Variants in SSX2IP observed in about 807,000 individuals in gnomAD.
The protein encoded by SSX2IP is SSX family member 2 interacting protein.
In SSX2IP, 55 loss-of-function variants were observed where a neutral mutation model predicts 84.9. That is an observed-to-expected ratio of 0.65 (90% CI 0.52 to 0.81). The LOEUF is 0.81. Among genes scored for constraint, SSX2IP ranks in the 30% least tolerant of loss-of-function variants. SSX2IP has a pLI of 0.00. For synonymous variants in SSX2IP, 239 were observed against 234.7 expected, an observed-to-expected ratio of 1.02 and a Z score of -0.17; for missense variants, 664 against 705.2, an observed-to-expected ratio of 0.94 and a Z score of 0.66.
chr1:84,670,867 G>T, intron 2 of SSX2IP, 52 bp from the exon 3 acceptor site: 1 of 1,425,162 alleles, frequency 7.0e-7, no homozygotes, highest in Non-Finnish European at 9.6e-7. Context: ...CGTATGTAAA[G>T]CTAACATAAT....
At chr1:84,661,575 CA>C (rs1307965132) in intron 8 of SSX2IP, among the ~76,000 whole-genome samples, 30 of 152,104 alleles carry the variant, frequency 2.0e-4, no homozygotes, top group African/African-American at 5.6e-4. Flanking sequence ...CTGTCTTTCC[CA>C]AAAAGAGCTT....
chr1:84,662,563 C>A, intron 6 of SSX2IP, 33 bp from the exon 7 acceptor site: 1 of 1,606,918 alleles, frequency 6.2e-7, no homozygotes, highest in Non-Finnish European at 8.5e-7. Flanking sequence ...TTAATTCTTA[C>A]CATACATGCT....
At chr1:84,686,250 A>G (rs1202218459) in intron 1 of SSX2IP, among the ~76,000 whole-genome samples, 1 of 152,220 alleles carries the variant, frequency 6.6e-6, no homozygotes, top group Non-Finnish European at 1.5e-5. Flanking sequence ...TTTGAGACAG[A>G]TATTATAGTA....
intron 8 of SSX2IP, among the ~76,000 whole-genome samples, chr1:84,660,879 C>T (rs376105542): frequency 4.4e-5 from 6 of 136,022 alleles, no homozygotes; most frequent in East Asian, 2.2e-4. Context: ...GGTAAAACCC[C>T]GTCTCTACTA....
rs61017474 is a variant in SSX2IP, at chr1:84,676,719, CTTTTTTTTTT to C, written c.-89-5421_-89-5412del. Among the ~76,000 whole-genome samples, 55 of 99,490 alleles carry C rather than the reference CTTTTTTTTTT, an allele frequency of 5.5e-4. 1 individual carries two copies. In the East Asian group the frequency reaches 0.014, roughly 25 times the overall value. The allele number at this position is 99,490 out of a possible 152,430, so 65.3% of individuals were successfully genotyped here. A position where few individuals can be genotyped will look rare whatever the true frequency, so the allele number is the denominator to read the frequency against. ...GATTTCAAGACTCTGTGCTCTTTTCCTTTTTTTTTTTTTTTTTTTTTGAAACGGAGTCTCG... is the reference window on the plus strand; with the variant it reads ...GATTTCAAGACTCTGTGCTCTTTTCCTTTTTTTTTTTGAAACGGAGTCTCG... On this transcript the variant is annotated intron_variant, in intron 1 of 13. Transcript: ENST00000342203.
At chr1:84,680,299 C>G (rs1218221011) in intron 1 of SSX2IP, 1 of 152,170 alleles carries the variant, frequency 6.6e-6, no homozygotes, top group African/African-American at 2.4e-5. Context: ...AAATCCAAAG[C>G]CAGACCATCT....
chr1:84,662,235 T>G lies in SSX2IP; in HGVS notation c.890A>C (p.Lys297Thr). 3.1e-6 allele frequency: 5 copies of G among 1,605,800 alleles called. No homozygotes were observed. Residue 297 changes from lysine to threonine, a missense_variant, in exon 8 of 14, where the codon AAG becomes ACG. Transcript: ENST00000342203. ...EMISLLSPQK[K>T]KPRERVDDST... ...ATCATCTACTCTTTCTCTAGGTTTC[T>G]TCTTTTGGGGAGAAAGAAGAGAAAT...
intron 1 of SSX2IP, among the ~76,000 whole-genome samples, chr1:84,674,923 T>G (rs1455275873): frequency 6.6e-6 from 1 of 152,186 alleles, no homozygotes; most frequent in African/African-American, 2.4e-5. Flanking sequence ...GACTTACGAC[T>G]CTTTATCAAT....
At chr1:84,649,805 T>C in intron 13 of SSX2IP, 1 of 380,708 alleles carries the variant, frequency 2.6e-6, no homozygotes, top group East Asian at 7.1e-5. Context: ...TATAATAACT[T>C]GAGATACAGG....
chr1:84,647,605 G>C lies in SSX2IP; in HGVS notation c.1673C>G (p.Ser558Ter). ...QTRSCISEHS[S>*]INVLNITAEE... is the part of the protein sequence containing the mutation. ...AGCAGTTATATTCAGTACATTGATT[G>C]AACTGTTGGGAAAAGAAAGGCAGAT... The change falls in exon 14 of 14, where the codon TCA becomes TGA. Residue 558 changes from serine to a stop codon, truncating the protein, a stop_gained and splice_region_variant. Coordinates refer to ENST00000342203, the MANE Select transcript of SSX2IP (RefSeq NM_001166293.2). LOFTEE classifies it high-confidence loss of function. 6.3e-7 allele frequency: 1 copy of C among 1,579,812 alleles called. No individual in the cohort carries two copies. The highest frequency in any genetic ancestry group is 8.6e-7 in the Non-Finnish European group (1 of 1,160,982).
At position 84,673,282 on chromosome 1, in the gene SSX2IP, C is replaced by A. The variant is rs540488882; in HGVS notation, c.-89-1974G>T. Among the ~76,000 whole-genome samples the A allele has an allele frequency of 1.3e-4, 20 of 152,216 alleles. No individual in the cohort carries two copies. In the South Asian group the frequency reaches 3.7e-3, roughly 28 times the overall value. On this transcript the variant is annotated intron_variant, in intron 1 of 13. Coordinates refer to ENST00000342203, the MANE Select transcript of SSX2IP (RefSeq NM_001166293.2). ...GAGAAAACCTCCACTGAAACGGTGA[C>A]ATCTGAAGTGAAACCTAAATGATAC... is the stretch of plus-strand genomic sequence containing the variant.
intron 8 of SSX2IP, among the ~76,000 whole-genome samples, chr1:84,659,056 C>T (rs1011046559): frequency 3.9e-5 from 6 of 152,024 alleles, no homozygotes; most frequent in African/African-American, 1.4e-4. Context: ...AGAATCAAAG[C>T]AGGATAAAGA....
intron 11 of SSX2IP, among the ~76,000 whole-genome samples, chr1:84,654,575 G>A (rs954283630): frequency 1.3e-5 from 2 of 152,010 alleles, no homozygotes; most frequent in African/African-American, 4.8e-5. Flanking sequence ...ACAGTAACAT[G>A]AGATATGAGC....
chr1:84,655,653 G>A, intron 11 of SSX2IP, 179 bp downstream of exon 11: 12 of 1,509,454 alleles, frequency 7.9e-6, no homozygotes, highest in South Asian at 1.2e-5. Context: ...AATCTGGTAA[G>A]GGGAAATGAT....
At chr1:84,670,541 T>G (rs1008944814) in intron 3 of SSX2IP, 105 bp downstream of exon 3, 2 of 761,310 alleles carry the variant, frequency 2.6e-6, no homozygotes, top group Non-Finnish European at 4.0e-6. Flanking sequence ...TCAGGGGCAC[T>G]ACATAAACAA....
intron 6 of SSX2IP, 71 bp from the exon 7 acceptor site, chr1:84,662,601 A>C: frequency 6.7e-7 from 1 of 1,502,040 alleles, no homozygotes; most frequent in Non-Finnish European, 9.2e-7. Flanking sequence ...AATGCATTCT[A>C]TACACGTAAG....
At chr1:84,652,419 T>G (rs1447088639) in intron 11 of SSX2IP, 12 of 75,742 alleles carry the variant, frequency 1.6e-4, no homozygotes, top group African/African-American at 6.2e-4. Flanking sequence ...CAAGACCGTA[T>G]CTCCAAAAAA....
At chr1:84,655,588 T>TGATACAGAATTTATTA in intron 11 of SSX2IP, 1 of 1,447,396 alleles carries the variant, frequency 6.9e-7, no homozygotes, top group Non-Finnish European at 9.2e-7. Flanking sequence ...AGAAAGCCAA[T>TGATACAGAATTTATTA]CTGAAAGCAG....
intron 1 of SSX2IP, among the ~76,000 whole-genome samples, chr1:84,688,002 C>T (rs1397329735): frequency 6.6e-6 from 1 of 152,160 alleles, no homozygotes; most frequent in African/African-American, 2.4e-5. Context: ...TCCTGCCTCA[C>T]TATGCTGATA....
Sources: allele counts gnomAD v4.1 joint callset (sites outside exome capture counted in the v4.1 genomes callset), GRCh38; gene constraint gnomAD v4.1.1; transcripts MANE v1.5; gene names NCBI Gene and HGNC (gene_info 2026-07-23, HGNC 2026-07-21).